The following MAGEB10 variants were observed in gnomAD, a reference collection of about 807,000 sequenced individuals.
MAGEB10 encodes MAGE family member B10.
For missense variants in MAGEB10, 190 were observed against 261.9 expected (o/e 0.73, Z 1.89); for synonymous variants, 99 against 101.0 (o/e 0.98, Z 0.12).
At position 27,810,447 on chromosome X, in the gene MAGEB10, G is replaced by T. The variant is rs184399335; in HGVS notation, c.-199+2411G>T. On this transcript the variant is annotated intron_variant, in intron 1 of 2. Coordinates refer to ENST00000356790, the MANE Select transcript of MAGEB10 (RefSeq NM_182506.3). The stretch of plus-strand genomic sequence containing the variant: ...TTCCGGACACACTATGCTCTGCCAC[G>T]TGTTAATGAAATGCCCCAGTGTGGG... Among the ~76,000 whole-genome samples the T allele has an allele frequency of 8.0e-5, 9 of 111,960 alleles. No individual in the cohort carries two copies. In the East Asian group the frequency reaches 2.6e-3, roughly 32 times the overall value.
chrX:27,812,254 A>G (rs186045579), intron 1 of MAGEB10: 26 of 163,750 alleles, frequency 1.6e-4, no homozygotes, highest in Non-Finnish European at 2.5e-4. Flanking sequence ...CTGCTGTACA[A>G]ATGTCAAATG....
intron 1 of MAGEB10, among the ~76,000 whole-genome samples, chrX:27,811,348 A>G (rs1923678756): frequency 9.0e-6 from 1 of 111,022 alleles, no homozygotes; most frequent in Non-Finnish European, 1.9e-5. Flanking sequence ...CCTCAAGATA[A>G]AGAGGGTCTC....
Position 27,822,405 on chromosome X carries a change from T to TGG in MAGEB10, c.*57_*58dup. ...GAAAAGAAATGCACATTCTGAGCTG[T>TGG]GGGAGGTCAGGGTGGGACTGGAGAC... On this transcript the variant is annotated 3_prime_UTR_variant, in exon 3 of 3. Transcript: ENST00000356790. 1 of 1,088,532 alleles carries TGG rather than the reference T, an allele frequency of 9.2e-7. No individual in the cohort carries two copies. Among genetic ancestry groups the TGG allele is most frequent in the Non-Finnish European group, 1.2e-6 (1 of 807,840 alleles). 89.7% of individuals were successfully genotyped at this position (1,088,532 alleles called of 1,213,427 possible). A position where few individuals can be genotyped will look rare whatever the true frequency, so the allele number is the denominator to read the frequency against.
At chrX:27,821,201 C>CA (rs1923878456) in intron 2 of MAGEB10, 57 bp from the exon 3 acceptor site, 1 of 699,131 alleles carries the variant, frequency 1.4e-6, no homozygotes, top group African/African-American at 2.2e-5. Flanking sequence ...GTCAATAAAG[C>CA]TAAAGTTGTA....
At chrX:27,817,018 G>T (rs1923794289) in intron 1 of MAGEB10, among the ~76,000 whole-genome samples, 2 of 109,154 alleles carry the variant, frequency 1.8e-5, no homozygotes, top group Admixed American at 9.9e-5. Context: ...TTCCCTTTCA[G>T]ATCAAAGTGT....
intron 1 of MAGEB10, among the ~76,000 whole-genome samples, chrX:27,811,128 G>A (rs914932842): frequency 6.4e-5 from 7 of 109,701 alleles, no homozygotes; most frequent in Non-Finnish European, 1.1e-4. Flanking sequence ...ATTTCCAGAA[G>A]TAAAAGAGGA....
At chrX:27,814,080 A>T (rs746735417) in intron 1 of MAGEB10, among the ~76,000 whole-genome samples, 155 of 111,505 alleles carry the variant, frequency 1.4e-3, no homozygotes, top group Non-Finnish European at 2.6e-3. Flanking sequence ...AAGGGCTTTT[A>T]AAAAAACTTG....
chrX:27,816,201 A>G (rs1342378297), intron 1 of MAGEB10, among the ~76,000 whole-genome samples: 2 of 110,726 alleles, frequency 1.8e-5, no homozygotes, highest in Non-Finnish European at 3.8e-5. Flanking sequence ...CATGTAGGCA[A>G]TCCAGTGTAA....
chrX:27,818,852 T>A (rs1923830233), intron 2 of MAGEB10, among the ~76,000 whole-genome samples: 1 of 111,852 alleles, frequency 8.9e-6, no homozygotes, highest in Admixed American at 9.5e-5. Context: ...AAAGGGGGAT[T>A]CTGCACTAGC....
At chrX:27,820,919 T>C (rs1384960298) in intron 2 of MAGEB10, among the ~76,000 whole-genome samples, 1 of 109,316 alleles carries the variant, frequency 9.1e-6, no homozygotes, top group African/African-American at 3.3e-5. Context: ...GTCAGTAGAG[T>C]AGAGGGATCC....
intron 1 of MAGEB10, chrX:27,812,059 G>T (rs1012507642): frequency 8.8e-6 from 1 of 113,707 alleles, no homozygotes; most frequent in East Asian, 2.8e-4. Flanking sequence ...GAAACACCCA[G>T]CAATGAGCAA....
chrX:27,808,362 AT>A, intron 1 of MAGEB10, among the ~76,000 whole-genome samples: 1 of 112,110 alleles, frequency 8.9e-6, no homozygotes, highest in Non-Finnish European at 1.9e-5. Flanking sequence ...CTACTACTCC[AT>A]AACAAAGGGG....
intron 2 of MAGEB10, among the ~76,000 whole-genome samples, chrX:27,818,533 G>A (rs1569212735): frequency 8.9e-6 from 1 of 112,109 alleles, no homozygotes; most frequent in Non-Finnish European, 1.9e-5. Flanking sequence ...AAGGCTGAGC[G>A]TGCATATGCC....
At chrX:27,820,664 T>C (rs1923867814) in intron 2 of MAGEB10, among the ~76,000 whole-genome samples, 1 of 111,209 alleles carries the variant, frequency 9.0e-6, no homozygotes, top group Non-Finnish European at 1.9e-5. Context: ...CTCAGAGATG[T>C]GAGGGCCTTG....
At chrX:27,808,995 G>A (rs4829084) in intron 1 of MAGEB10, among the ~76,000 whole-genome samples, 3,403 of 112,660 alleles carry the variant, frequency 0.03, 63 homozygotes, top group African/African-American at 0.067. Flanking sequence ...CACAGCCCTC[G>A]CTGGCTCTTG....
chrX:27,821,184 G>A lies in MAGEB10; in HGVS notation c.-49-74G>A, dbSNP rs138476126. ...GTAATGCACCAAGAAAACTTTCAGAGGTGGCCGTCAATAAAGCTAAAGTTG... is the reference window on the plus strand; with the variant it reads ...GTAATGCACCAAGAAAACTTTCAGAAGTGGCCGTCAATAAAGCTAAAGTTG... On this transcript the variant is annotated intron_variant, in intron 2 of 2. Transcript: ENST00000356790. The A allele has an allele frequency of 1.3e-3, 731 of 578,955 alleles. 13 individuals carry two copies. In the East Asian group the frequency reaches 0.026, roughly 20 times the overall value. 47.7% of individuals were successfully genotyped at this position (578,955 alleles called of 1,213,427 possible).
At chrX:27,815,016 G>A (rs768833702) in intron 1 of MAGEB10, among the ~76,000 whole-genome samples, 9 of 111,934 alleles carry the variant, frequency 8.0e-5, no homozygotes, top group Admixed American at 3.8e-4. Flanking sequence ...CCTCATTTTC[G>A]TAGGGTCCAT....
chrX:27,812,724 GA>G, intron 1 of MAGEB10: 2 of 369,715 alleles, frequency 5.4e-6, no homozygotes, highest in Admixed American at 5.2e-5. Flanking sequence ...AGCCTATGCT[GA>G]AACCAGCAAG....
chrX:27,808,371 G>C (rs1338150452), intron 1 of MAGEB10, among the ~76,000 whole-genome samples: 1 of 110,627 alleles, frequency 9.0e-6, no homozygotes, highest in Non-Finnish European at 1.9e-5. Flanking sequence ...CATAACAAAG[G>C]GGGCGCCACA....
Sources: gnomAD v4.1 joint callset for allele counts (sites outside exome capture counted in the v4.1 genomes callset) on GRCh38, gnomAD v4.1.1 for gene constraint, MANE v1.5 for transcripts, NCBI Gene and HGNC (gene_info 2026-07-23, HGNC 2026-07-21) for gene names.